Variants in PAFAH1B3 observed in about 807,000 individuals in gnomAD.
The protein encoded by PAFAH1B3 is platelet-activating factor acetylhydrolase IB subunit alpha1.
In PAFAH1B3, 15 loss-of-function variants were observed where a neutral mutation model predicts 24.4. The ratio of observed to expected loss-of-function variants is 0.62; its 90% CI spans 0.41 to 0.95. PAFAH1B3 has a LOEUF of 0.95. PAFAH1B3 is among the 40% of genes least tolerant of loss of function. The probability of loss-of-function intolerance (pLI) is 0.00; values close to 1 mark genes in which losing one functional copy is unlikely to be tolerated. For missense variants in PAFAH1B3, 266 were observed against 312.2 expected (o/e 0.85, Z 1.12); for synonymous variants, 144 against 126.5 (o/e 1.14, Z -0.93).
At position 42,302,363 on chromosome 19, in the gene PAFAH1B3, C is replaced by G. The variant is rs2038648271; in HGVS notation, c.-54G>C. 6.7e-7 allele frequency: 1 copy of G among 1,499,630 alleles called. No homozygotes were observed. The highest frequency in any genetic ancestry group is 9.0e-7 in the Non-Finnish European group (1 of 1,110,622). The allele number at this position is 1,499,630 out of a possible 1,614,324, so 92.9% of individuals were successfully genotyped here. ...CGAGTCGGGTCGGCCCGGGAGTGTT[C>G]CGAACGGAGCTGGCTCCGCCACGCC... On this transcript the variant is annotated 5_prime_UTR_variant, in exon 1 of 5. Coordinates refer to ENST00000262890, the MANE Select transcript of PAFAH1B3 (RefSeq NM_002573.4).
At chr19:42,298,817 A>G (rs906064695) in intron 4 of PAFAH1B3, among the ~76,000 whole-genome samples, 4 of 151,134 alleles carry the variant, frequency 2.6e-5, no homozygotes, top group Non-Finnish European at 5.9e-5. Context: ...TACCCAGCTA[A>G]TTCTTTTTTT....
At chr19:42,301,534 C>T (rs1486353810) in intron 2 of PAFAH1B3, among the ~76,000 whole-genome samples, 1 of 152,146 alleles carries the variant, frequency 6.6e-6, no homozygotes, top group Non-Finnish European at 1.5e-5. Flanking sequence ...TTTGATGAAA[C>T]CCATTACAGT....
At chr19:42,301,491 C>T (rs1213401027) in intron 2 of PAFAH1B3, among the ~76,000 whole-genome samples, 1 of 152,184 alleles carries the variant, frequency 6.6e-6, no homozygotes, top group Non-Finnish European at 1.5e-5. Context: ...TTGAGCCATG[C>T]ATTGAATCAA....
chr19:42,297,699 A>G (rs938937265), intron 4 of PAFAH1B3, among the ~76,000 whole-genome samples: 1 of 150,316 alleles, frequency 6.7e-6, no homozygotes, highest in African/African-American at 2.5e-5. Flanking sequence ...TCAGCCTCCC[A>G]AGTAGCTGGG....
chr19:42,299,824 G>T, intron 4 of PAFAH1B3, 146 bp downstream of exon 4: 1 of 1,027,262 alleles, frequency 9.7e-7, no homozygotes, highest in Non-Finnish European at 1.4e-6. Flanking sequence ...CAGCCACTCT[G>T]AAGGGTATAG....
rs978507007 is a variant in PAFAH1B3, at chr19:42,302,368, C to T, written c.-59G>A. ...CGGGTCGGCCCGGGAGTGTTCCGAACGGAGCTGGCTCCGCCACGCCCACTC... is the reference window on the plus strand; with the variant it reads ...CGGGTCGGCCCGGGAGTGTTCCGAATGGAGCTGGCTCCGCCACGCCCACTC... On this transcript the variant is annotated 5_prime_UTR_variant, in exon 1 of 5. Coordinates refer to ENST00000262890, the MANE Select transcript of PAFAH1B3 (RefSeq NM_002573.4). 6 of 1,478,884 alleles carry T rather than the reference C, an allele frequency of 4.1e-6. No homozygotes were observed. Among genetic ancestry groups the T allele is most frequent in the Non-Finnish European group, 5.5e-6 (6 of 1,093,468 alleles). 91.6% of individuals were successfully genotyped at this position (1,478,884 alleles called of 1,614,324 possible).
chr19:42,297,598 G>A (rs1232401051), intron 4 of PAFAH1B3, among the ~76,000 whole-genome samples: 2 of 145,536 alleles, frequency 1.4e-5, no homozygotes, highest in Admixed American at 1.4e-4. Context: ...TTTTGAGACA[G>A]AGTCTTGCTC....
chr19:42,297,659 C>T (rs1305723840), intron 4 of PAFAH1B3, among the ~76,000 whole-genome samples: 6 of 151,554 alleles, frequency 4.0e-5, no homozygotes, highest in African/African-American at 1.5e-4. Context: ...CTGCAAGCTC[C>T]GCCTCCCAGG....
chr19:42,300,118 C>A, intron 3 of PAFAH1B3, 26 bp from the exon 4 acceptor site: 1 of 1,613,926 alleles, frequency 6.2e-7, no homozygotes. Flanking sequence ...CATGAAGCAG[C>A]GGTGAGGGGG....
At position 42,297,339 on chromosome 19, in the gene PAFAH1B3, G is replaced by A. The variant is rs778929087; in HGVS notation, c.435C>T (p.Pro145=). ...GTCGGTTCTTCTCCCGAAGTGGGTT[G>A]GGATGTTGGCCTCGCGGAAGCAGGC... ...VLGLLPRGQH[P]NPLREKNRQV... The change falls in exon 5 of 5, where the codon CCC becomes CCT. Residue 145 remains proline, a synonymous_variant. Transcript: ENST00000262890. The A allele has an allele frequency of 1.3e-5, 21 of 1,609,838 alleles. No homozygotes were observed. Among genetic ancestry groups the A allele is most frequent in the Non-Finnish European group, 1.4e-5 (17 of 1,176,532 alleles).
In PAFAH1B3 at chr19:42,302,369, G is replaced by C. The variant is rs939456449; in HGVS notation, c.-60C>G. On this transcript the variant is annotated 5_prime_UTR_variant, in exon 1 of 5. Transcript: ENST00000262890. ...GGGTCGGCCCGGGAGTGTTCCGAACGGAGCTGGCTCCGCCACGCCCACTCC... is the reference window on the plus strand; with the variant it reads ...GGGTCGGCCCGGGAGTGTTCCGAACCGAGCTGGCTCCGCCACGCCCACTCC... The C allele has an allele frequency of 2.0e-6, 3 of 1,473,788 alleles. No homozygotes were observed. The highest frequency in any genetic ancestry group is 1.8e-4 in the Middle Eastern group (1 of 5,494). The allele number at this position is 1,473,788 out of a possible 1,614,324, so 91.3% of individuals were successfully genotyped here. A position where few individuals can be genotyped will look rare whatever the true frequency, so the allele number is the denominator to read the frequency against.
At chr19:42,300,354 C>A in intron 2 of PAFAH1B3, 67 bp from the exon 3 acceptor site, 1 of 1,315,840 alleles carries the variant, frequency 7.6e-7, no homozygotes, top group East Asian at 2.3e-5. Context: ...CATGGACCAT[C>A]CCCCTCTGTC....
intron 2 of PAFAH1B3, among the ~76,000 whole-genome samples, chr19:42,300,660 G>GGT (rs2038607733): frequency 6.6e-6 from 1 of 152,230 alleles, no homozygotes; most frequent in South Asian, 2.1e-4. Flanking sequence ...TGGGACTACA[G>GGT]GTGTACGCCA....
intron 4 of PAFAH1B3, among the ~76,000 whole-genome samples, chr19:42,299,263 T>C (rs1452134418): frequency 6.6e-6 from 1 of 151,370 alleles, no homozygotes; most frequent in East Asian, 2.0e-4. Context: ...ATTATAGGCA[T>C]GTGCCACCAC....
At chr19:42,299,259 G>A (rs761943302) in intron 4 of PAFAH1B3, among the ~76,000 whole-genome samples, 43 of 151,936 alleles carry the variant, frequency 2.8e-4, no homozygotes, top group Non-Finnish European at 5.3e-4. Context: ...TGGGATTATA[G>A]GCATGTGCCA....
intron 2 of PAFAH1B3, among the ~76,000 whole-genome samples, chr19:42,301,579 G>C (rs2038627393): frequency 6.6e-6 from 1 of 152,174 alleles, no homozygotes; most frequent in Non-Finnish European, 1.5e-5. Flanking sequence ...TATTATGATT[G>C]AGTCCTCTTT....
rs564664564 is a variant in PAFAH1B3 at position 42,301,985 on chromosome 19, C to T, written c.133G>A (p.Gly45Arg). 1.3e-6 allele frequency: 2 copies of T among 1,567,810 alleles called. No individual in the cohort carries two copies. Among genetic ancestry groups the T allele is most frequent in the South Asian group, 1.2e-5 (1 of 85,224 alleles). The change falls in exon 2 of 5, where the codon GGG (glycine) becomes AGG (arginine). Residue 45 changes from glycine to arginine, a missense_variant. Physicochemically the swap from Gly to Arg is moderately radical, Grantham distance 125. Transcript: ENST00000262890. ...TGCATGAGCTGGACCAAGGAGTCCC[C>T]GATGAAGACGACTTCGGGTTCCTTA... ...KDKEPEVVFI[G>R]DSLVQLMHQC... is the part of the protein sequence containing the mutation.
intron 2 of PAFAH1B3, 52 bp downstream of exon 2, chr19:42,301,898 G>A: frequency 6.9e-7 from 1 of 1,446,520 alleles, no homozygotes; most frequent in South Asian, 1.2e-5. Flanking sequence ...GTCCAGATGT[G>A]TCAGCATGGA....
rs995073737 is a variant in PAFAH1B3 at position 42,302,141 on chromosome 19, A to G, written c.78+91T>C. The stretch of plus-strand genomic sequence containing the variant: ...CTCCTCAACTGCCCTCAGTTTCCCA[A>G]TCAGGTAGTGAGAGTGGCACGAACC... On this transcript the variant is annotated intron_variant, in intron 1 of 4. Coordinates refer to ENST00000262890, the MANE Select transcript of PAFAH1B3 (RefSeq NM_002573.4). 6.7e-6 allele frequency: 10 copies of G among 1,490,830 alleles called. No individual in the cohort carries two copies. The African/African-American group carries it at 1.1e-4, about 17-fold the overall frequency. The allele number at this position is 1,490,830 out of a possible 1,614,324, so 92.4% of individuals were successfully genotyped here.
Sources: gnomAD v4.1 joint callset for allele counts (sites outside exome capture counted in the v4.1 genomes callset) on GRCh38, gnomAD v4.1.1 for gene constraint, MANE v1.5 for transcripts, NCBI Gene and HGNC (gene_info 2026-07-23, HGNC 2026-07-21) for gene names.